Variants in AAAS observed in about 807,000 individuals in gnomAD.
The protein encoded by AAAS is aladin.
AAAS carries 60 observed loss-of-function variants against 75.6 expected under a neutral mutation model. The observed-to-expected ratio is 0.79, with a 90% CI of 0.64 to 0.98. The LOEUF (loss-of-function observed/expected upper bound fraction) is 0.98, where lower values mean the gene tolerates loss of function less well. Among genes scored for constraint, AAAS ranks in the 50% least tolerant of loss-of-function variants. AAAS has a pLI of 0.00. For synonymous variants in AAAS, 271 were observed against 265.0 expected (o/e 1.02, Z -0.22); for missense variants, 658 against 686.9 (o/e 0.96, Z 0.47).
intron 2 of AAAS, among the ~76,000 whole-genome samples, chr12:53,317,163 AC>A (rs1159118544): frequency 6.7e-6 from 1 of 148,956 alleles, no homozygotes; most frequent in Non-Finnish European, 1.5e-5. Flanking sequence ...GGTGGCTCAC[AC>A]CTGTAATCCC....
chr12:53,307,550 G>T lies in AAAS; in HGVS notation c.1580C>A (p.Pro527His), dbSNP rs373815273. 2 of 1,614,218 alleles carry T rather than the reference G, an allele frequency of 1.2e-6. No homozygotes were observed. Residue 527 changes from proline to histidine, a missense_variant, in exon 16 of 16, where the codon CCT becomes CAT. Transcript: ENST00000209873. ...LFTETSPTSA[P>H]WDPLPGPPPV... ...TGGTGGCCCTGGGAGAGGGTCCCAA[G>T]GGGCAGAGGTTGGGGATGTCTCAGT...
intron 8 of AAAS, 93 bp from the exon 9 acceptor site, chr12:53,309,374 A>AGAGGAAGCGG: frequency 6.3e-7 from 1 of 1,582,604 alleles, no homozygotes; most frequent in South Asian, 1.1e-5. Context: ...GCCAGAAACG[A>AGAGGAAGCGG]GAGGAAGCGG....
chr12:53,307,522 AGGT>A lies in AAAS; in HGVS notation c.1605_1607del (p.Pro536del). ...GGGAATGTGGGGAGTGGGGCAGAAC[AGGT>A]GGTGGCCCTGGGAGAGGGTCCCAAG... On this transcript the variant is annotated inframe_deletion, in exon 16 of 16. Transcript: ENST00000209873. 1 of 1,614,064 alleles carries A rather than the reference AGGT, an allele frequency of 6.2e-7. No individual in the cohort carries two copies. The highest frequency in any genetic ancestry group is 8.5e-7 in the Non-Finnish European group (1 of 1,179,942).
chr12:53,312,784 C>T (rs1204981462), intron 7 of AAAS, among the ~76,000 whole-genome samples: 3 of 146,972 alleles, frequency 2.0e-5, no homozygotes, highest in African/African-American at 5.1e-5. Context: ...TATACATACA[C>T]GTATATATAT....
At chr12:53,314,258 C>T in intron 7 of AAAS, 40 bp downstream of exon 7, 2 of 1,613,946 alleles carry the variant, frequency 1.2e-6, no homozygotes, top group Admixed American at 3.3e-5. Context: ...TAGCATTGCA[C>T]AACTCTCAGG....
intron 7 of AAAS, among the ~76,000 whole-genome samples, chr12:53,310,122 A>C (rs1412529467): frequency 1.3e-5 from 2 of 152,222 alleles, no homozygotes; most frequent in Non-Finnish European, 2.9e-5. Flanking sequence ...TTAATAATCT[A>C]TGACATTACT....
intron 7 of AAAS, among the ~76,000 whole-genome samples, chr12:53,312,852 A>G (rs1944411280): frequency 1.2e-5 from 1 of 81,452 alleles, no homozygotes; most frequent in Non-Finnish European, 2.3e-5. Flanking sequence ...GTGTGTGTAT[A>G]TATATATATA....
chr12:53,316,424 C>T (rs2136813746), intron 2 of AAAS, among the ~76,000 whole-genome samples: 1 of 150,184 alleles, frequency 6.7e-6, no homozygotes, highest in Non-Finnish European at 1.5e-5. Context: ...CACTGCACTC[C>T]AGCCTGGGCG....
In AAAS at chr12:53,308,044, G is replaced by A; in HGVS notation, c.1331+8C>T. The A allele has an allele frequency of 6.2e-7, 1 of 1,614,220 alleles. No individual in the cohort carries two copies. The highest frequency in any genetic ancestry group is 1.7e-5 in the Admixed American group (1 of 60,032). On this transcript the variant is annotated splice_region_variant and intron_variant, in intron 14 of 15. Transcript: ENST00000209873. The stretch of plus-strand genomic sequence containing the variant: ...AAGTCCAGACCTAAGGGCCCACATG[G>A]CACTTACCAGGGAAGGAGCTCAAAC...
Position 53,321,381 on chromosome 12 carries a change from T to A in AAAS, c.85A>T (p.Ser29Cys). The A allele has an allele frequency of 6.2e-7, 1 of 1,614,170 alleles. No homozygotes were observed. Residue 29 changes from serine to cysteine, a missense_variant, in exon 1 of 16, where the codon AGT (serine) becomes TGT (cysteine). Transcript: ENST00000209873. ...TCGGGGGGCGGGCTCTCATAGCTAC[T>A]GCCCGTCACCAGCTCGTTATTGTGC... ...YEHNNELVTG[S>C]SYESPPPDFR...
intron 13 of AAAS, 60 bp from the exon 14 acceptor site, chr12:53,308,193 G>A: frequency 6.2e-7 from 1 of 1,611,402 alleles, no homozygotes; most frequent in South Asian, 1.1e-5. Flanking sequence ...CCAGGACATG[G>A]GCAGAGGAGA....
chr12:53,315,604 A>G, intron 3 of AAAS, 123 bp downstream of exon 3: 1 of 1,313,346 alleles, frequency 7.6e-7, no homozygotes. Flanking sequence ...TTGGGTAGGT[A>G]GAGGAGAGGA....
intron 1 of AAAS, chr12:53,321,072 G>A: frequency 3.4e-6 from 2 of 581,364 alleles, no homozygotes; most frequent in Non-Finnish European, 6.0e-6. Flanking sequence ...CCAACTTTTA[G>A]ATAGTTCTCC....
At position 53,314,731 on chromosome 12, in the gene AAAS, C is replaced by G; in HGVS notation, c.545+20G>C. 1.2e-6 allele frequency: 2 copies of G among 1,608,320 alleles called. No homozygotes were observed. Among genetic ancestry groups the G allele is most frequent in the Non-Finnish European group, 1.7e-6 (2 of 1,176,172 alleles). On this transcript the variant is annotated intron_variant, in intron 6 of 15. Coordinates refer to ENST00000209873, the MANE Select transcript of AAAS (RefSeq NM_015665.6). ...GGTGATATTGACAAGTCAGAGCCCACCTGGTGTCCCCACACACACCTGCTG... is the reference window on the plus strand; with the variant it reads ...GGTGATATTGACAAGTCAGAGCCCAGCTGGTGTCCCCACACACACCTGCTG...
chr12:53,312,631 A>G (rs1313046282), intron 7 of AAAS, among the ~76,000 whole-genome samples: 4 of 151,746 alleles, frequency 2.6e-5, no homozygotes, highest in Admixed American at 6.6e-5. Flanking sequence ...ACAAGTCCAC[A>G]ATATTCTTTT....
intron 13 of AAAS, 74 bp from the exon 14 acceptor site, chr12:53,308,207 C>T (rs1379148942): frequency 6.2e-7 from 1 of 1,611,124 alleles, no homozygotes; most frequent in Non-Finnish European, 8.5e-7. Flanking sequence ...GAGGAGAACT[C>T]CAGGCCAGGG....
intron 7 of AAAS, among the ~76,000 whole-genome samples, chr12:53,311,476 G>A (rs942625831): frequency 3.3e-5 from 5 of 152,168 alleles, no homozygotes; most frequent in Non-Finnish European, 2.9e-5. Context: ...CCTTCCAGGC[G>A]TGGTGTACGC....
chr12:53,316,930 A>C (rs1429311321), intron 2 of AAAS, among the ~76,000 whole-genome samples: 1 of 151,034 alleles, frequency 6.6e-6, no homozygotes, highest in African/African-American at 2.4e-5. Flanking sequence ...AAAAAATACA[A>C]AACTTAGGCA....
At chr12:53,314,217 C>A in intron 7 of AAAS, 81 bp downstream of exon 7, 1 of 1,590,212 alleles carries the variant, frequency 6.3e-7, no homozygotes, top group South Asian at 1.1e-5. Context: ...AAGAACTTCT[C>A]CTTTCAGACG....
Sources: gnomAD v4.1 joint callset for allele counts (sites outside exome capture counted in the v4.1 genomes callset) on GRCh38, gnomAD v4.1.1 for gene constraint, MANE v1.5 for transcripts, NCBI Gene and HGNC (gene_info 2026-07-23, HGNC 2026-07-21) for gene names.